The following CCNE1 variants were observed in gnomAD, a reference collection of about 807,000 sequenced individuals.
CCNE1 encodes the protein G1/S-specific cyclin-E1.
In CCNE1, 8 loss-of-function variants were observed where a neutral mutation model predicts 54.1. The observed-to-expected ratio is 0.15, with a 90% CI of 0.09 to 0.27. The LOEUF is 0.27. Ranked by LOEUF, CCNE1 falls within the 10% of genes least tolerant of loss-of-function variation. The pLI is 1.00. For missense variants in CCNE1, 430 were observed against 514.9 expected (o/e 0.84, Z 1.60); for synonymous variants, 179 against 185.2 (o/e 0.97, Z 0.27).
chr19:29,812,806 A>AG lies in CCNE1; in HGVS notation c.111+30_111+31insG, dbSNP rs763959985. On this transcript the variant is annotated intron_variant, in intron 3 of 11. Transcript: ENST00000262643. ...GTACAAAAGAGACAGGTTGGGGAGC[A>AG]TCCCCCCCATCTCACCTGGGTACCC... is the stretch of plus-strand genomic sequence containing the variant. The AG allele has an allele frequency of 1.1e-5, 16 of 1,468,892 alleles. No homozygotes were observed. The African/African-American group carries it at 2.0e-4, about 19-fold the overall frequency. 91.0% of individuals were successfully genotyped at this position (1,468,892 alleles called of 1,614,324 possible). A position where few individuals can be genotyped will look rare whatever the true frequency, so the allele number is the denominator to read the frequency against.
intron 7 of CCNE1, among the ~76,000 whole-genome samples, chr19:29,821,513 A>T (rs1974143886): frequency 6.6e-6 from 1 of 150,860 alleles, no homozygotes; most frequent in South Asian, 2.1e-4. Context: ...TCAAAGTTCC[A>T]TCCATTTATT....
In CCNE1 at chr19:29,817,487, A is replaced by G; in HGVS notation, c.408A>G (p.Gln136=). ...TAAGGGATCAGCACTTTCTTGAGCAACACCCTCTTCTGCAGCCAAAAATGC... is the reference window on the plus strand; with the variant it reads ...TAAGGGATCAGCACTTTCTTGAGCAGCACCCTCTTCTGCAGCCAAAAATGC... The part of the protein sequence containing the change: ...TYLRDQHFLE[Q]HPLLQPKMRA... Residue 136 remains glutamine, a synonymous_variant, in exon 6 of 12, where the codon CAA becomes CAG. Coordinates refer to ENST00000262643, the MANE Select transcript of CCNE1 (RefSeq NM_001238.4). 2.5e-6 allele frequency: 4 copies of G among 1,614,216 alleles called. No homozygotes were observed. The highest frequency in any genetic ancestry group is 8.5e-7 in the Non-Finnish European group (1 of 1,180,036).
intron 6 of CCNE1, among the ~76,000 whole-genome samples, chr19:29,819,481 T>C (rs1974102196): frequency 6.6e-6 from 1 of 151,828 alleles, no homozygotes; most frequent in Non-Finnish European, 1.5e-5. Context: ...GGGGTCTTGC[T>C]ATGTTGCCCC....
chr19:29,822,221 G>A lies in CCNE1; in HGVS notation c.841-19G>A, dbSNP rs561475573. The A allele has an allele frequency of 1.6e-5, 26 of 1,611,776 alleles. No individual in the cohort carries two copies. The highest frequency in any genetic ancestry group is 3.3e-5 in the Admixed American group (2 of 60,012). On this transcript the variant is annotated intron_variant, in intron 9 of 11. Transcript: ENST00000262643. ...GGCGTGTGGTGGCATCCATCTCAGCGTTCTTTTCTTCTCCGTAGCTGTTGG... is the reference window on the plus strand; with the variant it reads ...GGCGTGTGGTGGCATCCATCTCAGCATTCTTTTCTTCTCCGTAGCTGTTGG...
At chr19:29,823,627 G>A (rs1974206410) in intron 11 of CCNE1, 28 bp from the exon 12 acceptor site, 1 of 1,608,996 alleles carries the variant, frequency 6.2e-7, no homozygotes, top group Non-Finnish European at 8.5e-7. Flanking sequence ...CTACTCTAAT[G>A]TGTTGTCCCT....
At position 29,815,085 on chromosome 19, in the gene CCNE1, A is replaced by T. The variant is rs111872171; in HGVS notation, c.180+2048A>T. ...TCAAGGACATAGACTTAATTATTCT[A>T]CCTCATCCACTGGTCCCTAAAAAGG... On this transcript the variant is annotated intron_variant, in intron 4 of 11. Coordinates refer to ENST00000262643, the MANE Select transcript of CCNE1 (RefSeq NM_001238.4). Among the ~76,000 whole-genome samples the T allele has an allele frequency of 3.7e-3, 561 of 152,242 alleles. 3 individuals are homozygous for T. Among genetic ancestry groups the T allele is most frequent in the African/African-American group, 0.013 (535 of 41,526 alleles).
At chr19:29,822,194 T>C in intron 9 of CCNE1, 46 bp from the exon 10 acceptor site, 1 of 1,611,688 alleles carries the variant, frequency 6.2e-7, no homozygotes, top group South Asian at 1.1e-5. Context: ...AACTCTAGAA[T>C]AGGCGTGTGG....
In CCNE1 at chr19:29,812,691, A is replaced by T; in HGVS notation, c.26A>T (p.Asp9Val). 1 of 1,585,986 alleles carries T rather than the reference A, an allele frequency of 6.3e-7. No homozygotes were observed. Among genetic ancestry groups the T allele is most frequent in the Non-Finnish European group, 8.6e-7 (1 of 1,168,380 alleles). MPRERRER[D>V]AKERDTMKED... ...CCCGGTGCCACCCGGGTCCACAGGG[A>T]TGCGAAGGAGCGGGACACCATGAAG... The change falls in exon 3 of 12, where the codon GAT (aspartate) becomes GTT (valine). Residue 9 changes from aspartate to valine, a missense_variant and splice_region_variant. Physicochemically the swap from Asp to Val is radical, Grantham distance 152 (BLOSUM62 -3). Around this residue, in one of 2 missense-constraint regions of CCNE1, gnomAD observed 127 missense variants for 113.8 expected, o/e 1.12. Coordinates refer to ENST00000262643, the MANE Select transcript of CCNE1 (RefSeq NM_001238.4).
At chr19:29,817,870 T>G (rs1974063161) in intron 6 of CCNE1, among the ~76,000 whole-genome samples, 1 of 145,990 alleles carries the variant, frequency 6.8e-6, no homozygotes, top group Non-Finnish European at 1.5e-5. Flanking sequence ...TTTTTTTTTT[T>G]TTTTTTTTGA....
intron 6 of CCNE1, among the ~76,000 whole-genome samples, chr19:29,817,825 TTTGAGC>T: frequency 6.6e-6 from 1 of 152,148 alleles, no homozygotes; most frequent in South Asian, 2.1e-4. Context: ...ACTGTTAACA[TTTGAGC>T]TTTGTTCATT....
At chr19:29,815,857 T>TA (rs920979445) in intron 4 of CCNE1, among the ~76,000 whole-genome samples, 220 of 139,596 alleles carry the variant, frequency 1.6e-3, no homozygotes, top group Admixed American at 2.7e-3. Context: ...GTCTCTGCTT[T>TA]AAAAAAAAAA....
intron 4 of CCNE1, among the ~76,000 whole-genome samples, chr19:29,816,386 G>A (rs1215400807): frequency 1.3e-5 from 2 of 152,158 alleles, no homozygotes; most frequent in Non-Finnish European, 2.9e-5. Flanking sequence ...GAAAAGCATA[G>A]TGCTTTGGTT....
chr19:29,812,758 G>T lies in CCNE1; in HGVS notation c.93G>T (p.Arg31Ser). 1.3e-6 allele frequency: 2 copies of T among 1,593,518 alleles called. No individual in the cohort carries two copies. The highest frequency in any genetic ancestry group is 8.5e-7 in the Non-Finnish European group (1 of 1,171,800). ...AGTTCTCGGCTCGCTCCAGGAAGAG[G>T]AAGGCAAACGTGACCGTTGTGAGTA... ...GAEFSARSRK[R>S]KANVTVFLQD... Residue 31 changes from arginine to serine, a missense_variant, in exon 3 of 12, where the codon AGG becomes AGT. By Grantham distance (110) the Arg-to-Ser change is moderately radical. Around this residue, in one of 2 missense-constraint regions of CCNE1, gnomAD observed 127 missense variants for 113.8 expected, o/e 1.12. Transcript: ENST00000262643.
intron 3 of CCNE1, 33 bp downstream of exon 3, chr19:29,812,809 C>CT (rs750414891): frequency 6.3e-7 from 1 of 1,586,702 alleles, no homozygotes; most frequent in African/African-American, 1.3e-5. Flanking sequence ...GGGGAGCATC[C>CT]CCCCCATCTC....
intron 1 of CCNE1, 58 bp from the exon 2 acceptor site, chr19:29,812,472 GAA>G: frequency 8.7e-7 from 1 of 1,143,238 alleles, no homozygotes; most frequent in Non-Finnish European, 1.1e-6. Flanking sequence ...CGCAAAGGGG[GAA>G]GGGGTACTGG....
chr19:29,814,683 T>C (rs1258847107), intron 4 of CCNE1, among the ~76,000 whole-genome samples: 1 of 152,226 alleles, frequency 6.6e-6, no homozygotes, highest in African/African-American at 2.4e-5. Context: ...AATTTTTCTC[T>C]GGAGTTATCA....
chr19:29,816,454 C>T (rs962251414), intron 4 of CCNE1, among the ~76,000 whole-genome samples: 2 of 152,196 alleles, frequency 1.3e-5, no homozygotes, highest in East Asian at 3.8e-4. Context: ...TCAGGAGATT[C>T]AGAGGTCTTA....
intron 6 of CCNE1, among the ~76,000 whole-genome samples, chr19:29,819,543 A>T (rs1974103237): frequency 6.6e-6 from 1 of 152,192 alleles, no homozygotes; most frequent in Non-Finnish European, 1.5e-5. Context: ...TGGCCTCCCA[A>T]AGTGCTGGGA....
At position 29,812,734 on chromosome 19, in the gene CCNE1, G is replaced by T. The variant is rs1973922731; in HGVS notation, c.69G>T (p.Glu23Asp). 1.3e-6 allele frequency: 2 copies of T among 1,595,510 alleles called. No homozygotes were observed. Among genetic ancestry groups the T allele is most frequent in the Non-Finnish European group, 1.7e-6 (2 of 1,172,960 alleles). The change falls in exon 3 of 12, where the codon GAG (glutamate) becomes GAT (aspartate). Residue 23 changes from glutamate to aspartate, a missense_variant. By Grantham distance (45) the Glu-to-Asp change is conservative. Transcript: ENST00000262643. ...CCATGAAGGAGGACGGCGGCGCGGA[G>T]TTCTCGGCTCGCTCCAGGAAGAGGA... is the stretch of plus-strand genomic sequence containing the variant. ...RDTMKEDGGA[E>D]FSARSRKRKA...
Sources: allele counts gnomAD v4.1 joint callset (sites outside exome capture counted in the v4.1 genomes callset), GRCh38; gene constraint gnomAD v4.1.1; regional missense constraint gnomAD v4.1.1; transcripts MANE v1.5; gene names NCBI Gene and HGNC (gene_info 2026-07-23, HGNC 2026-07-21).